Variants in DSG2 observed in about 807,000 individuals in gnomAD.
DSG2 encodes the protein desmoglein 2, also known as desmoglein-2.
In DSG2, 45 loss-of-function variants were observed where a neutral mutation model predicts 75.6. The ratio of observed to expected loss-of-function variants is 0.60; its 90% CI spans 0.47 to 0.76. DSG2 has a LOEUF of 0.76. Ranked by LOEUF, DSG2 falls within the 30% of genes least tolerant of loss-of-function variation. The pLI, the probability that DSG2 is intolerant of heterozygous loss-of-function variation, is 0.00. For synonymous variants in DSG2, 429 were observed against 483.9 expected, an observed-to-expected ratio of 0.89 and a Z score of 1.49; for missense variants, 1,267 against 1,357.4, an observed-to-expected ratio of 0.93 and a Z score of 1.05.
intron 10 of DSG2, 68 bp downstream of exon 10, chr18:31,535,480 C>T: frequency 1.5e-6 from 2 of 1,375,650 alleles, no homozygotes; most frequent in South Asian, 1.2e-5. Context: ...ACATCAGAAA[C>T]CATTGATTTG....
At chr18:31,523,351 A>T (rs2073141063) in intron 6 of DSG2, among the ~76,000 whole-genome samples, 1 of 152,170 alleles carries the variant, frequency 6.6e-6, no homozygotes, top group Admixed American at 6.5e-5. Flanking sequence ...CAGTGAGCTG[A>T]GATCGCGCCA....
chr18:31,517,572 G>A (rs1347603697), intron 1 of DSG2, among the ~76,000 whole-genome samples: 1 of 152,108 alleles, frequency 6.6e-6, no homozygotes, highest in Admixed American at 6.6e-5. Context: ...CATCTTTAAT[G>A]CATCAATTTT....
intron 3 of DSG2, among the ~76,000 whole-genome samples, chr18:31,520,240 G>A (rs1354767063): frequency 6.6e-6 from 1 of 152,188 alleles, no homozygotes; most frequent in Non-Finnish European, 1.5e-5. Context: ...GTGCTCAAAA[G>A]AGGATGTCAT....
In DSG2 at chr18:31,546,313, A is replaced by C; in HGVS notation, c.2927A>C (p.Asp976Ala). 1 of 1,605,504 alleles carries C rather than the reference A, an allele frequency of 6.2e-7. No individual in the cohort carries two copies. The highest frequency in any genetic ancestry group is 1.1e-5 in the South Asian group (1 of 89,920). Residue 976 changes from aspartate (D) to alanine (A), a missense_variant, in exon 15 of 15, where the codon GAT becomes GCT. Physicochemically the swap from Asp to Ala is moderately radical, Grantham distance 126. Transcript: ENST00000261590. ...RVYAPASTLV[D>A]QPYANEGTVV... is the part of the protein sequence containing the mutation. ...TATGCTCCAGCTTCTACCTTGGTAG[A>C]TCAGCCTTATGCTAATGAAGGTACA...
chr18:31,521,009 CATA>C (rs1443699010), intron 4 of DSG2, 45 bp downstream of exon 4: 2 of 1,608,308 alleles, frequency 1.2e-6, no homozygotes, highest in South Asian at 1.1e-5. Context: ...GTTTTTCTGT[CATA>C]ATAAGTGTCA....
chr18:31,502,869 A>T (rs1598801473), intron 1 of DSG2, among the ~76,000 whole-genome samples: 3 of 152,344 alleles, frequency 2.0e-5, no homozygotes, highest in Admixed American at 2.0e-4. Context: ...GCAATTTTTA[A>T]TCACAGCTTT....
rs775127367 is a variant in DSG2 at position 31,521,263 on chromosome 18, T to C, written c.523+20T>C. The stretch of plus-strand genomic sequence containing the variant: ...CAGCACGTAAGAGTCTTTTTTTTTT[T>C]TTTTAATAAATAAATACCTAAGATT... On this transcript the variant is annotated intron_variant, in intron 5 of 14. Transcript: ENST00000261590. 124 of 1,593,212 alleles carry C rather than the reference T, an allele frequency of 7.8e-5. No individual in the cohort carries two copies. Among genetic ancestry groups the C allele is most frequent in the South Asian group, 1.9e-4 (17 of 87,510 alleles).
chr18:31,546,774 T>G lies in DSG2; in HGVS notation c.*31T>G. ...AGTCAGCCACAAACTGACCCAGAGTTTAATTAGCAGTGACTAATTTCATGT... is the reference window on the plus strand; with the variant it reads ...AGTCAGCCACAAACTGACCCAGAGTGTAATTAGCAGTGACTAATTTCATGT... On this transcript the variant is annotated 3_prime_UTR_variant, in exon 15 of 15. Coordinates refer to ENST00000261590, the MANE Select transcript of DSG2 (RefSeq NM_001943.5). 1.2e-6 allele frequency: 2 copies of G among 1,604,584 alleles called. No homozygotes were observed. The highest frequency in any genetic ancestry group is 1.7e-6 in the Non-Finnish European group (2 of 1,171,370).
At position 31,530,980 on chromosome 18, in the gene DSG2, C is replaced by T; in HGVS notation, c.1015-7C>T. 1 of 1,613,592 alleles carries T rather than the reference C, an allele frequency of 6.2e-7. No individual in the cohort carries two copies. The highest frequency in any genetic ancestry group is 1.1e-5 in the South Asian group (1 of 91,016). Reference sequence around the variant, plus strand: ...TGAAAAGAATTCCCTTTGGTTTTCCCTTTCAGGAAGTAGATTATGAAGAAA... The same window carrying T: ...TGAAAAGAATTCCCTTTGGTTTTCCTTTTCAGGAAGTAGATTATGAAGAAA... On this transcript the variant is annotated splice_polypyrimidine_tract_variant and splice_region_variant and intron_variant, in intron 8 of 14. Coordinates refer to ENST00000261590, the MANE Select transcript of DSG2 (RefSeq NM_001943.5).
intron 1 of DSG2, among the ~76,000 whole-genome samples, chr18:31,509,700 G>C: frequency 6.6e-6 from 1 of 152,174 alleles, no homozygotes; most frequent in East Asian, 1.9e-4. Flanking sequence ...AGATTTATCA[G>C]AGCAGATCAC....
chr18:31,513,156 A>G (rs890103197), intron 1 of DSG2, among the ~76,000 whole-genome samples: 4 of 152,248 alleles, frequency 2.6e-5, no homozygotes, highest in Non-Finnish European at 5.9e-5. Context: ...AAAGAAAAGA[A>G]TGTTGAATAT....
chr18:31,506,848 T>G (rs1384573303), intron 1 of DSG2, among the ~76,000 whole-genome samples: 2 of 152,224 alleles, frequency 1.3e-5, no homozygotes, highest in Non-Finnish European at 2.9e-5. Context: ...GAATTGAAAT[T>G]GTATTTTAGT....
intron 5 of DSG2, among the ~76,000 whole-genome samples, 161 bp downstream of exon 5, chr18:31,521,404 G>A (rs1314868907): frequency 6.6e-6 from 1 of 152,022 alleles, no homozygotes; most frequent in Non-Finnish European, 1.5e-5. Context: ...TAGGTTTAAA[G>A]GACTTTACAT....
chr18:31,522,688 C>G (rs551971088), intron 6 of DSG2: 1 of 163,550 alleles, frequency 6.1e-6, no homozygotes, highest in Admixed American at 5.8e-5. Flanking sequence ...TCTAGGGCCT[C>G]TCCTATCAGG....
At chr18:31,512,402 C>A (rs978847468) in intron 1 of DSG2, among the ~76,000 whole-genome samples, 3 of 152,246 alleles carry the variant, frequency 2.0e-5, no homozygotes, top group African/African-American at 7.2e-5. Flanking sequence ...TACTGCAACT[C>A]CCAGGGTTTA....
chr18:31,518,165 G>C, intron 1 of DSG2, 74 bp from the exon 2 acceptor site: 2 of 1,168,762 alleles, frequency 1.7e-6, no homozygotes, highest in Non-Finnish European at 2.6e-6. Context: ...AATGCAGTAG[G>C]TTATTCATGA....
intron 14 of DSG2, 95 bp downstream of exon 14, chr18:31,542,947 A>T: frequency 9.7e-7 from 1 of 1,030,748 alleles, no homozygotes; most frequent in Non-Finnish European, 1.3e-6. Context: ...TTGGATCCAA[A>T]TGAGACTTTG....
At chr18:31,508,638 C>T (rs1343536746) in intron 1 of DSG2, among the ~76,000 whole-genome samples, 1 of 152,120 alleles carries the variant, frequency 6.6e-6, no homozygotes, top group Non-Finnish European at 1.5e-5. Context: ...AGGTGATCTG[C>T]CTACCTCTGC....
chr18:31,522,462 A>G, intron 6 of DSG2: 2 of 500,038 alleles, frequency 4.0e-6, no homozygotes, highest in East Asian at 3.3e-5. Flanking sequence ...AATGTGCTGT[A>G]TGCACGTTGA....
Sources: allele counts gnomAD v4.1 joint callset (sites outside exome capture counted in the v4.1 genomes callset), GRCh38; gene constraint gnomAD v4.1.1; transcripts MANE v1.5; gene names NCBI Gene and HGNC (gene_info 2026-07-23, HGNC 2026-07-21).